The following HNRNPU variants were observed in gnomAD, a reference collection of about 807,000 sequenced individuals.
HNRNPU encodes HNRNPU antisense RNA 1.
Under a neutral mutation model 94.7 loss-of-function variants are expected in HNRNPU, and 5 were observed. That is an observed-to-expected ratio of 0.05 (90% CI 0.03 to 0.11). HNRNPU has a LOEUF of 0.11. Among genes scored for constraint, HNRNPU ranks in the 10% least tolerant of loss-of-function variants. The pLI, the probability that HNRNPU is intolerant of heterozygous loss-of-function variation, is 1.00. For synonymous variants in HNRNPU, 434 were observed against 381.6 expected, an observed-to-expected ratio of 1.14 and a Z score of -1.60; for missense variants, 710 against 1,049.2, an observed-to-expected ratio of 0.68 and a Z score of 4.47.
rs1367755555 is a variant in HNRNPU, at chr1:244,863,633, G to C, written c.675C>G (p.Pro225=). The C allele has an allele frequency of 6.5e-7, 1 of 1,540,556 alleles. No individual in the cohort carries two copies. Among genetic ancestry groups the C allele is most frequent in the Admixed American group, 1.9e-5 (1 of 51,330 alleles). The change falls in exon 1 of 14, where the codon CCC becomes CCG. Residue 225 remains proline (P), a synonymous_variant. Coordinates refer to ENST00000640218, the MANE Select transcript of HNRNPU (RefSeq NM_031844.3). ...KAEGGGGGGR[P]GAPAAGDGKT... is the part of the protein sequence containing the mutation. ...AGCACTCACCCGCCGCCGGAGCCCCGGGGCGACCGCCGCCTCCGCCGCCTT... is the reference window on the plus strand; with the variant it reads ...AGCACTCACCCGCCGCCGGAGCCCCCGGGCGACCGCCGCCTCCGCCGCCTT...
intron 4 of HNRNPU, 173 bp from the exon 5 acceptor site, chr1:244,859,547 T>A (rs559156409): frequency 7.0e-6 from 3 of 430,990 alleles, no homozygotes; most frequent in African/African-American, 2.0e-5. Flanking sequence ...TGCTTATAAC[T>A]TGAAATTTAA....
intron 3 of HNRNPU, 157 bp from the exon 4 acceptor site, chr1:244,860,631 C>T: frequency 3.2e-6 from 2 of 616,398 alleles, no homozygotes; most frequent in Admixed American, 3.1e-5. Flanking sequence ...GTTTAAAGCC[C>T]CACTCCCACC....
chr1:244,854,919 C>T, intron 13 of HNRNPU, 54 bp downstream of exon 13: 1 of 1,333,508 alleles, frequency 7.5e-7, no homozygotes, highest in South Asian at 1.2e-5. Context: ...ACTGATAAAT[C>T]TTAGGAACTC....
At chr1:244,854,885 T>A in intron 13 of HNRNPU, 88 bp downstream of exon 13, 1 of 1,074,376 alleles carries the variant, frequency 9.3e-7, no homozygotes, top group Non-Finnish European at 1.4e-6. Flanking sequence ...AACACTTCAA[T>A]CCCTGAACAA....
intron 6 of HNRNPU, 71 bp from the exon 7 acceptor site, chr1:244,858,345 ATTAGGAGCAAAGC>A: frequency 7.1e-7 from 1 of 1,400,750 alleles, no homozygotes; most frequent in Non-Finnish European, 9.8e-7. Context: ...AAGAATTAAA[ATTAGGAGCAAAGC>A]TTATCCTGTG....
intron 6 of HNRNPU, chr1:244,858,522 T>C: frequency 1.6e-6 from 1 of 606,588 alleles, no homozygotes. Flanking sequence ...TCATGTTCAC[T>C]GTTTTCAGTC....
At chr1:244,859,125 T>C (rs1247334228) in intron 5 of HNRNPU, 150 bp downstream of exon 5, 12 of 585,910 alleles carry the variant, frequency 2.0e-5, no homozygotes, top group Admixed American at 1.0e-4. Context: ...ATGTAGCCTG[T>C]GCCTACTATG....
rs574556630 is a variant in HNRNPU, at chr1:244,856,145, G to A, written c.1926C>T (p.Leu642=). The change falls in exon 11 of 14, where the codon CTC becomes CTT. Residue 642 remains leucine, a synonymous_variant. Transcript: ENST00000640218. The part of the protein sequence containing the change: ...AVLKMKGNFT[L]PEVAECFDEI... ...CATCAAAGCACTCAGCTACCTCTGGGAGGGTAAAGTTTCCTGCAGGAAACA... is the reference window on the plus strand; with the variant it reads ...CATCAAAGCACTCAGCTACCTCTGGAAGGGTAAAGTTTCCTGCAGGAAACA... The A allele has an allele frequency of 6.2e-6, 10 of 1,607,514 alleles. No homozygotes were observed. The Admixed American group carries it at 1.5e-4, about 25-fold the overall frequency.
At chr1:244,855,301 T>C (rs773995530) in intron 12 of HNRNPU, 123 bp downstream of exon 12, 50 of 985,554 alleles carry the variant, frequency 5.1e-5, no homozygotes, top group Non-Finnish European at 7.6e-5. Flanking sequence ...CTAGTTCAAT[T>C]TTCCTTATGT....
chr1:244,855,757 G>T, intron 11 of HNRNPU, 147 bp downstream of exon 11: 1 of 1,235,742 alleles, frequency 8.1e-7, no homozygotes, highest in South Asian at 1.5e-5. Flanking sequence ...ACATAACCTA[G>T]GTGTATTTAA....
rs1241318983 is a variant in HNRNPU at position 244,851,670 on chromosome 1, GT to G, written c.*2779del. The G allele has an allele frequency of 1.3e-5, 2 of 152,124 alleles. No individual in the cohort carries two copies. Among genetic ancestry groups the G allele is most frequent in the African/African-American group, 4.8e-5 (2 of 41,412 alleles). The allele number at this position is 152,124 out of a possible 1,614,324, so 9.4% of individuals were successfully genotyped here. On this transcript the variant is annotated 3_prime_UTR_variant, in exon 14 of 14. Transcript: ENST00000640218. ...TAGGCAAATGAGAGCTTGTTTTTAT[GT>G]ATTTAAGAGTTTCCTCTTGTCATTT...
In HNRNPU at chr1:244,864,044, TTCC is replaced by T. The variant is rs772147656; in HGVS notation, c.261_263del (p.Glu94del). On this transcript the variant is annotated inframe_deletion, in exon 1 of 14. Coordinates refer to ENST00000640218, the MANE Select transcript of HNRNPU (RefSeq NM_031844.3). The stretch of plus-strand genomic sequence containing the variant: ...AGATTCCTTCCTCCTCCTCTTCCTC[TTCC>T]TCCTCCTCTTCATCGCCGCCGGCCG... 100 of 1,609,378 alleles carry T rather than the reference TTCC, an allele frequency of 6.2e-5. No individual in the cohort carries two copies. Among genetic ancestry groups the T allele is most frequent in the South Asian group, 1.1e-4 (10 of 90,686 alleles).
chr1:244,854,592 T>C, intron 13 of HNRNPU, 89 bp from the exon 14 acceptor site: 2 of 898,800 alleles, frequency 2.2e-6, no homozygotes, highest in Non-Finnish European at 3.7e-6. Context: ...TAATTCAGAG[T>C]AATTTGCTGG....
Position 244,854,501 on chromosome 1 carries a change from T to A in HNRNPU, c.2427A>T (p.Gln809His). The change falls in exon 14 of 14, where the codon CAA (glutamine) becomes CAT (histidine). Residue 809 changes from glutamine to histidine, a missense_variant and splice_region_variant. Coordinates refer to ENST00000640218, the MANE Select transcript of HNRNPU (RefSeq NM_031844.3). ...GACTCCATGGCTTCTGACCCCAGAA[T>A]TGCTGTAAGAGAAAATTTTGTTTTT... The part of the protein sequence containing the change: ...SQGYNQWQQG[Q>H]FWGQKPWSQH... The A allele has an allele frequency of 6.2e-7, 1 of 1,604,264 alleles. No homozygotes were observed. The highest frequency in any genetic ancestry group is 1.1e-5 in the South Asian group (1 of 90,748).
In HNRNPU at chr1:244,864,132, C is replaced by G; in HGVS notation, c.176G>C (p.Ser59Thr). Reference protein sequence around the residue: ...GRPAMEPGNGSLDLGGDSAGR... With the variant: ...GRPAMEPGNGTLDLGGDSAGR... ...AGCGGAATCCCCGCCCAGGTCTAGGCTGCCGTTCCCGGGCTCCATGGCGGG... is the reference window on the plus strand; with the variant it reads ...AGCGGAATCCCCGCCCAGGTCTAGGGTGCCGTTCCCGGGCTCCATGGCGGG... Residue 59 changes from serine (S) to threonine (T), a missense_variant, in exon 1 of 14, where the codon AGC (serine) becomes ACC (threonine). Physicochemically the swap from Ser to Thr is moderately conservative, Grantham distance 58. Coordinates refer to ENST00000640218, the MANE Select transcript of HNRNPU (RefSeq NM_031844.3). 6.2e-7 allele frequency: 1 copy of G among 1,600,624 alleles called. No homozygotes were observed. The highest frequency in any genetic ancestry group is 1.1e-5 in the South Asian group (1 of 89,686).
intron 10 of HNRNPU, 87 bp downstream of exon 10, chr1:244,856,370 T>C: frequency 7.2e-7 from 1 of 1,388,380 alleles, no homozygotes; most frequent in Non-Finnish European, 9.9e-7. Flanking sequence ...CCTAATAGAT[T>C]TAACATAGTT....
rs111590102 is a variant in HNRNPU at position 244,857,849 on chromosome 1, G to A, written c.1495-132C>T. The A allele has an allele frequency of 1.0e-3, 1,387 of 1,356,850 alleles. 9 individuals carry two copies. In the African/African-American group the frequency reaches 0.018, roughly 18 times the overall value. The allele number at this position is 1,356,850 out of a possible 1,614,324, so 84.1% of individuals were successfully genotyped here. ...CACTAACGGACAAAAATTTGTTTAT[G>A]GAAAGATTAACAGTCAACATAAGGG... On this transcript the variant is annotated intron_variant, in intron 7 of 13. Transcript: ENST00000640218.
Position 244,864,143 on chromosome 1 carries a change from G to A in HNRNPU, c.165C>T (p.Pro55=), listed in dbSNP as rs749296514. ...EEAGGRPAME[P]GNGSLDLGGD... ...CGCCCAGGTCTAGGCTGCCGTTCCC[G>A]GGCTCCATGGCGGGGCGGCCCCCGG... Residue 55 remains proline, a synonymous_variant, in exon 1 of 14, where the codon CCC becomes CCT. Coordinates refer to ENST00000640218, the MANE Select transcript of HNRNPU (RefSeq NM_031844.3). 6.9e-6 allele frequency: 11 copies of A among 1,603,562 alleles called. No homozygotes were observed. The South Asian group carries it at 1.1e-4, about 16-fold the overall frequency.
chr1:244,863,621 C>T lies in HNRNPU; in HGVS notation c.687G>A (p.Ala229=), dbSNP rs759259042. 5.8e-5 allele frequency: 89 copies of T among 1,521,572 alleles called. 1 individual carries two copies. The Admixed American group carries it at 1.8e-3, about 31-fold the overall frequency. 94.3% of individuals were successfully genotyped at this position (1,521,572 alleles called of 1,614,324 possible). A position where few individuals can be genotyped will look rare whatever the true frequency, so the allele number is the denominator to read the frequency against. The change falls in exon 1 of 14, where the codon GCG becomes GCA. Residue 229 remains alanine, a synonymous_variant. Coordinates refer to ENST00000640218, the MANE Select transcript of HNRNPU (RefSeq NM_031844.3). ...AACGTACAACGCAGCACTCACCCGC[C>T]GCCGGAGCCCCGGGGCGACCGCCGC... ...GGGGGRPGAP[A]AGDGKTEQKG...
Sources: gnomAD v4.1 joint callset for allele counts on GRCh38, gnomAD v4.1.1 for gene constraint, MANE v1.5 for transcripts, NCBI Gene and HGNC (gene_info 2026-07-23, HGNC 2026-07-21) for gene names.